RNF41: variants seen among roughly 807,000 people sequenced by gnomAD.
RNF41 encodes the protein ring finger protein 41.
RNF41 carries 4 observed loss-of-function variants against 33.0 expected under a neutral mutation model. That is an observed-to-expected ratio of 0.12 (90% CI 0.06 to 0.28). The LOEUF (loss-of-function observed/expected upper bound fraction) is 0.28. RNF41 is among the 10% of genes least tolerant of loss of function. The pLI, the probability that RNF41 is intolerant of heterozygous loss-of-function variation, is 1.00. For synonymous variants in RNF41, 164 were observed against 153.2 expected, an observed-to-expected ratio of 1.07 and a Z score of -0.52; for missense variants, 228 against 432.6, an observed-to-expected ratio of 0.53 and a Z score of 4.19.
At position 56,208,242 on chromosome 12, in the gene RNF41, G is replaced by A. The variant is rs1316286467; in HGVS notation, c.419C>T (p.Ser140Leu). The part of the protein sequence containing the change: ...PNHNCIKHLR[S>L]VVQQQQTRIA... ...GCGTGTCTGCTGCTGCTGTACCACTGAGCGCAGGTGCTTAATGCAGTTATG... is the reference window on the plus strand; with the variant it reads ...GCGTGTCTGCTGCTGCTGTACCACTAAGCGCAGGTGCTTAATGCAGTTATG... The change falls in exon 5 of 7, where the codon TCA (serine) becomes TTA (leucine). Residue 140 changes from serine to leucine, a missense_variant. By Grantham distance (145) the Ser-to-Leu change is moderately radical (BLOSUM62 -2). Around this residue, in one of 2 missense-constraint regions of RNF41, gnomAD observed 199 missense variants for 334.6 expected, o/e 0.59. Coordinates refer to ENST00000345093, the MANE Select transcript of RNF41 (RefSeq NM_005785.4). 10 of 1,614,208 alleles carry A rather than the reference G, an allele frequency of 6.2e-6. No homozygotes were observed. Among genetic ancestry groups the A allele is most frequent in the East Asian group, 2.2e-5 (1 of 44,882 alleles).
Position 56,206,010 on chromosome 12 carries a change from A to G in RNF41, c.*437T>C, listed in dbSNP as rs1408459149. ...TTTCTAGAGATTTGGCTCCACCCTTACCATTTCTTCAGGATGTCTGCTGCT... is the reference window on the plus strand; with the variant it reads ...TTTCTAGAGATTTGGCTCCACCCTTGCCATTTCTTCAGGATGTCTGCTGCT... On this transcript the variant is annotated 3_prime_UTR_variant, in exon 7 of 7. Coordinates refer to ENST00000345093, the MANE Select transcript of RNF41 (RefSeq NM_005785.4). The surrounding 1 kb of genome is among the most constrained non-coding windows in gnomAD (Gnocchi z 5.7). The G allele has an allele frequency of 6.0e-6, 1 of 167,246 alleles. No individual in the cohort carries two copies. Among genetic ancestry groups the G allele is most frequent in the Admixed American group, 5.5e-5 (1 of 18,070 alleles). The allele number at this position is 167,246 out of a possible 1,614,324, so 10.4% of individuals were successfully genotyped here.
At position 56,213,979 on chromosome 12, in the gene RNF41, T is replaced by G; in HGVS notation, c.69A>C (p.Gly23=). Residue 23 remains glycine, a synonymous_variant, in exon 3 of 7, where the codon GGA becomes GGC. Coordinates refer to ENST00000345093, the MANE Select transcript of RNF41 (RefSeq NM_005785.4). ...TCACCTGTACTGGCTCCTCCAAGAC[T>G]CCACTGCAAATAGGGCAGATAAGAT... is the stretch of plus-strand genomic sequence containing the variant. ...DEDLICPICS[G]VLEEPVQAPH... The G allele has an allele frequency of 6.2e-7, 1 of 1,613,590 alleles. No homozygotes were observed. The highest frequency in any genetic ancestry group is 8.5e-7 in the Non-Finnish European group (1 of 1,179,650).
At chr12:56,221,292 G>A (rs1869401823) in intron 1 of RNF41, among the ~76,000 whole-genome samples, 1 of 152,144 alleles carries the variant, frequency 6.6e-6, no homozygotes, top group African/African-American at 2.4e-5. Flanking sequence ...AGGGGGTGAG[G>A]AGCGGGGAAG....
rs1243285812 is a variant in RNF41 at position 56,204,264 on chromosome 12, C to T, written c.*2183G>A. 6.6e-6 allele frequency: 1 copy of T among 152,200 alleles called. No individual in the cohort carries two copies. Among genetic ancestry groups the T allele is most frequent in the Non-Finnish European group, 1.5e-5 (1 of 68,068 alleles). The allele number at this position is 152,200 out of a possible 1,614,324, so 9.4% of individuals were successfully genotyped here. ...ATAAAGGCAGACCCTGGGAAGCACA[C>T]AGTTCAGATCACTAGAGAGCTTTGG... is the stretch of plus-strand genomic sequence containing the variant. On this transcript the variant is annotated 3_prime_UTR_variant, in exon 7 of 7. Transcript: ENST00000345093.
chr12:56,203,287 G>A lies in RNF41; in HGVS notation c.*3160C>T, dbSNP rs746601123. The A allele has an allele frequency of 3.3e-5, 5 of 149,464 alleles. No homozygotes were observed. The highest frequency in any genetic ancestry group is 2.1e-4 in the South Asian group (1 of 4,702). 9.3% of individuals were successfully genotyped at this position (149,464 alleles called of 1,614,324 possible). On this transcript the variant is annotated 3_prime_UTR_variant, in exon 7 of 7. Transcript: ENST00000345093. The stretch of plus-strand genomic sequence containing the variant: ...CAACCTCCACCTCCCAGGTTCAAGC[G>A]ATTCTTGTGCCTTAGCCTTCCAAGG...
At chr12:56,215,952 T>C (rs898770257) in intron 2 of RNF41, among the ~76,000 whole-genome samples, 2 of 151,642 alleles carry the variant, frequency 1.3e-5, no homozygotes, top group African/African-American at 4.8e-5. Flanking sequence ...TGAAACCCCA[T>C]CTCTACTAAA....
At chr12:56,207,407 G>A (rs1592348592) in intron 6 of RNF41, 2 of 817,232 alleles carry the variant, frequency 2.4e-6, no homozygotes, top group Non-Finnish European at 4.0e-6. Context: ...ACCTAATTCT[G>A]GATAAAGTGC....
intron 1 of RNF41, among the ~76,000 whole-genome samples, chr12:56,219,254 C>T (rs1231936347): frequency 3.3e-5 from 5 of 150,696 alleles, no homozygotes; most frequent in Admixed American, 6.6e-5. Context: ...TGCAGTGATG[C>T]GATCTCGGCT....
chr12:56,210,211 C>T (rs1868377487), intron 4 of RNF41, 86 bp downstream of exon 4: 7 of 1,470,864 alleles, frequency 4.8e-6, no homozygotes, highest in Non-Finnish European at 6.5e-6. Context: ...AAAGAGACCT[C>T]CTCAGCTAGT....
At chr12:56,207,514 T>A in intron 6 of RNF41, 132 bp downstream of exon 6, 2 of 800,812 alleles carry the variant, frequency 2.5e-6, no homozygotes, top group East Asian at 4.9e-5. Flanking sequence ...CTGTCCTTAA[T>A]GCCAATATCT....
chr12:56,219,691 C>A (rs1180322346), intron 1 of RNF41, among the ~76,000 whole-genome samples: 1 of 60,176 alleles, frequency 1.7e-5, no homozygotes, highest in Non-Finnish European at 4.4e-5. Context: ...ACCCCTTATA[C>A]ATACTGTCTG....
chr12:56,212,690 T>G, intron 3 of RNF41, among the ~76,000 whole-genome samples: 1 of 151,874 alleles, frequency 6.6e-6, no homozygotes, highest in East Asian at 1.9e-4. Context: ...AGGTCCAGAG[T>G]TGGTTGCCAT....
In RNF41 at chr12:56,202,741, C is replaced by T. The variant is rs950743664; in HGVS notation, c.*3706G>A. ...ATTCATCTCCATTAGGGACTAAGTT[C>T]TTTGCAGGTAGGTGCCATTTTGCTA... On this transcript the variant is annotated 3_prime_UTR_variant, in exon 7 of 7. Coordinates refer to ENST00000345093, the MANE Select transcript of RNF41 (RefSeq NM_005785.4). 1.3e-5 allele frequency: 2 copies of T among 152,180 alleles called. No homozygotes were observed. Among genetic ancestry groups the T allele is most frequent in the African/African-American group, 4.8e-5 (2 of 41,438 alleles). 9.4% of individuals were successfully genotyped at this position (152,180 alleles called of 1,614,324 possible).
At chr12:56,215,618 C>T (rs946218476) in intron 2 of RNF41, among the ~76,000 whole-genome samples, 18 of 147,994 alleles carry the variant, frequency 1.2e-4, no homozygotes, top group Admixed American at 6.9e-4. Context: ...ACTCGGGAGG[C>T]TGAGGCAGGA....
chr12:56,207,391 G>T, intron 6 of RNF41: 1 of 861,408 alleles, frequency 1.2e-6, no homozygotes, highest in Non-Finnish European at 1.8e-6. Flanking sequence ...TTGTACATGG[G>T]TACTCACCTA....
intron 2 of RNF41, among the ~76,000 whole-genome samples, chr12:56,215,384 G>A (rs566800430): frequency 6.6e-6 from 1 of 152,212 alleles, no homozygotes; most frequent in South Asian, 2.1e-4. Context: ...GGAGAGTGAC[G>A]GTAAGAGTCT....
chr12:56,220,469 G>A (rs1039119151), intron 1 of RNF41, among the ~76,000 whole-genome samples: 40 of 150,668 alleles, frequency 2.7e-4, no homozygotes, highest in African/African-American at 8.0e-4. Context: ...CGCCCGCCTC[G>A]TCCTCCCAAA....
chr12:56,220,850 C>T (rs1226134687), intron 1 of RNF41, among the ~76,000 whole-genome samples: 1 of 152,016 alleles, frequency 6.6e-6, no homozygotes, highest in Non-Finnish European at 1.5e-5. Flanking sequence ...ACAGGTCGGT[C>T]GGCTTAACAT....
chr12:56,220,697 C>T (rs1274759755), intron 1 of RNF41, among the ~76,000 whole-genome samples: 1 of 150,616 alleles, frequency 6.6e-6, no homozygotes, highest in Non-Finnish European at 1.5e-5. Flanking sequence ...TGCCACTGCA[C>T]TCCAGCGTGG....
Sources: allele counts gnomAD v4.1 joint callset (sites outside exome capture counted in the v4.1 genomes callset), GRCh38; gene constraint gnomAD v4.1.1; regional missense constraint gnomAD v4.1.1; non-coding constraint Gnocchi (gnomAD v3.1); transcripts MANE v1.5; gene names NCBI Gene and HGNC (gene_info 2026-07-23, HGNC 2026-07-21).